Variants in INPP4B observed in about 807,000 individuals in gnomAD.
INPP4B encodes inositol polyphosphate-4-phosphatase type II B.
INPP4B carries 55 observed loss-of-function variants against 122.5 expected under a neutral mutation model. The ratio of observed to expected loss-of-function variants is 0.45; its 90% CI spans 0.36 to 0.56. INPP4B has a LOEUF of 0.56. Among genes scored for constraint, INPP4B ranks in the 20% least tolerant of loss-of-function variants. The pLI, the probability that INPP4B is intolerant of heterozygous loss-of-function variation, is 0.00. For synonymous variants in INPP4B, 403 were observed against 388.7 expected (o/e 1.04, Z -0.43); for missense variants, 1,000 against 1,097.7 (o/e 0.91, Z 1.26).
intron 1 of INPP4B, among the ~76,000 whole-genome samples, chr4:142,808,249 A>G (rs547184337): frequency 6.6e-6 from 1 of 152,358 alleles, no homozygotes; most frequent in East Asian, 1.9e-4. Flanking sequence ...ATTACCAAAT[A>G]AGGTTTCACA....
At chr4:142,743,822 C>T (rs887902500) in intron 1 of INPP4B, among the ~76,000 whole-genome samples, 1 of 151,818 alleles carries the variant, frequency 6.6e-6, no homozygotes, top group Non-Finnish European at 1.5e-5. Flanking sequence ...AAGGTCTGCC[C>T]TAACAAAATG....
At chr4:142,033,425 A>G (rs1444530496) in intron 25 of INPP4B, among the ~76,000 whole-genome samples, 1 of 152,138 alleles carries the variant, frequency 6.6e-6, no homozygotes, top group Non-Finnish European at 1.5e-5. Flanking sequence ...GTGTTGTGAC[A>G]GCACTGGCCA....
intron 2 of INPP4B, among the ~76,000 whole-genome samples, chr4:142,663,079 T>C (rs563268119): frequency 6.6e-6 from 1 of 152,242 alleles, no homozygotes; most frequent in African/African-American, 2.4e-5. Context: ...AAACTTAATT[T>C]ACCAACTGAG....
At chr4:142,801,863 T>C (rs1305933829) in intron 1 of INPP4B, among the ~76,000 whole-genome samples, 3 of 152,166 alleles carry the variant, frequency 2.0e-5, no homozygotes, top group African/African-American at 7.2e-5. Context: ...GTTGTGGTCC[T>C]GTCGAGTTTT....
intron 25 of INPP4B, among the ~76,000 whole-genome samples, chr4:142,060,087 C>A (rs542459351): frequency 2.0e-5 from 3 of 152,186 alleles, no homozygotes; most frequent in Non-Finnish European, 4.4e-5. Context: ...GGTTTTGCAC[C>A]TTTCACGATT....
intron 2 of INPP4B, among the ~76,000 whole-genome samples, chr4:142,613,486 T>C (rs1743013429): frequency 6.6e-6 from 1 of 152,202 alleles, no homozygotes; most frequent in South Asian, 2.1e-4. Context: ...GTTACCATCA[T>C]ACATACACTG....
At chr4:142,545,668 G>T (rs1300932609) in intron 2 of INPP4B, among the ~76,000 whole-genome samples, 1 of 126,304 alleles carries the variant, frequency 7.9e-6, no homozygotes, top group African/African-American at 3.5e-5. Flanking sequence ...AAGAACAAGA[G>T]ATATTAGATT....
chr4:142,314,949 T>C (rs1358802760), intron 7 of INPP4B, among the ~76,000 whole-genome samples, 187 bp from the exon 8 acceptor site: 2 of 152,200 alleles, frequency 1.3e-5, no homozygotes, highest in Admixed American at 1.3e-4. Flanking sequence ...GTTCCTGAAC[T>C]TCCTGGACAG....
At chr4:142,357,254 C>A (rs1394126086) in intron 7 of INPP4B, among the ~76,000 whole-genome samples, 6 of 151,950 alleles carry the variant, frequency 3.9e-5, no homozygotes, top group African/African-American at 1.2e-4. Flanking sequence ...ATCTAGGGAC[C>A]CACTACTTGT....
chr4:142,796,900 GTGTGTGTGTGTGTGTC>G lies in INPP4B; in HGVS notation c.-254+49293_-254+49308del, dbSNP rs61012982. On this transcript the variant is annotated intron_variant, in intron 1 of 25. Coordinates refer to ENST00000262992, the MANE Select transcript of INPP4B (RefSeq NM_001101669.3). ...TGTGTGTGTGTGTGTGTGTGTGTGTGTGTGTGTGTGTGTGTCTGTGTGTAATAGCAGAGAACAAAAT... is the reference window on the plus strand; with the variant it reads ...TGTGTGTGTGTGTGTGTGTGTGTGTGTGTGTGTAATAGCAGAGAACAAAAT... Among the ~76,000 whole-genome samples, 1,080 of 150,084 alleles carry G rather than the reference GTGTGTGTGTGTGTGTC, an allele frequency of 7.2e-3. 22 individuals carry two copies. Among genetic ancestry groups the G allele is most frequent in the African/African-American group, 0.024 (984 of 40,388 alleles).
At chr4:142,623,308 A>C (rs757732847) in intron 2 of INPP4B, among the ~76,000 whole-genome samples, 6 of 151,928 alleles carry the variant, frequency 3.9e-5, no homozygotes, top group Non-Finnish European at 7.4e-5. Context: ...TGCCACTCCT[A>C]CCTTCTTTGC....
At chr4:142,338,181 T>C (rs1253160511) in intron 7 of INPP4B, among the ~76,000 whole-genome samples, 2 of 152,130 alleles carry the variant, frequency 1.3e-5, no homozygotes, top group Non-Finnish European at 2.9e-5. Context: ...CTTTAAAAAA[T>C]TATGTGATTA....
At chr4:142,164,807 A>C (rs1821905266) in intron 16 of INPP4B, among the ~76,000 whole-genome samples, 1 of 151,534 alleles carries the variant, frequency 6.6e-6, no homozygotes, top group African/African-American at 2.4e-5. Flanking sequence ...TGAGACCTTA[A>C]GGCAGGTCTC....
intron 2 of INPP4B, among the ~76,000 whole-genome samples, chr4:142,684,905 C>G (rs1252843416): frequency 6.6e-6 from 1 of 151,838 alleles, no homozygotes; most frequent in Non-Finnish European, 1.5e-5. Context: ...AGTGATAATC[C>G]AAACCTCAAA....
chr4:142,205,663 T>G (rs1308801736), intron 14 of INPP4B, among the ~76,000 whole-genome samples: 4 of 152,158 alleles, frequency 2.6e-5, no homozygotes, highest in African/African-American at 9.6e-5. Flanking sequence ...CTTAGAAAGA[T>G]TAAATAGCAG....
intron 5 of INPP4B, among the ~76,000 whole-genome samples, chr4:142,410,657 A>G (rs1048561888): frequency 3.0e-4 from 45 of 152,224 alleles, no homozygotes; most frequent in African/African-American, 9.4e-4. Flanking sequence ...AGAGAGCTAT[A>G]TATGACTTTG....
intron 1 of INPP4B, among the ~76,000 whole-genome samples, chr4:142,754,929 G>A (rs1770294852): frequency 6.6e-6 from 1 of 151,938 alleles, no homozygotes; most frequent in Non-Finnish European, 1.5e-5. Context: ...AAAATATGTT[G>A]CATTTGTATG....
chr4:142,508,990 A>G (rs1388312050), intron 2 of INPP4B, among the ~76,000 whole-genome samples: 1 of 152,226 alleles, frequency 6.6e-6, no homozygotes, highest in Non-Finnish European at 1.5e-5. Flanking sequence ...CATCCTGGTC[A>G]AGGAAATGAG....
intron 1 of INPP4B, among the ~76,000 whole-genome samples, chr4:142,787,741 A>G (rs1356725596): frequency 1.3e-5 from 2 of 152,146 alleles, no homozygotes; most frequent in African/African-American, 4.8e-5. Flanking sequence ...CACAGGAGAT[A>G]GTGACTGCCC....
Sources: gnomAD v4.1 joint callset for allele counts (sites outside exome capture counted in the v4.1 genomes callset) on GRCh38, gnomAD v4.1.1 for gene constraint, MANE v1.5 for transcripts, NCBI Gene and HGNC (gene_info 2026-07-23, HGNC 2026-07-21) for gene names.